The following NCKAP5 variants were observed in gnomAD, a reference collection of about 807,000 sequenced individuals.
The protein encoded by NCKAP5 is NCK associated protein 5.
A neutral mutation model predicts 167.0 loss-of-function variants in NCKAP5; 92 were observed. The ratio of observed to expected loss-of-function variants is 0.55; its 90% CI spans 0.47 to 0.66. The LOEUF is 0.66. Ranked by LOEUF, NCKAP5 falls within the 30% of genes least tolerant of loss-of-function variation. NCKAP5 has a pLI of 0.00. For synonymous variants in NCKAP5, 891 were observed against 877.4 expected, an observed-to-expected ratio of 1.02 and a Z score of -0.27; for missense variants, 2,378 against 2,315.0, an observed-to-expected ratio of 1.03 and a Z score of -0.56.
At chr2:133,501,789 G>T (rs1032082119) in intron 3 of NCKAP5, among the ~76,000 whole-genome samples, 7 of 152,186 alleles carry the variant, frequency 4.6e-5, no homozygotes, top group Non-Finnish European at 1.0e-4. Context: ...CATTCTCTTG[G>T]ATGATGGTGA....
intron 3 of NCKAP5, among the ~76,000 whole-genome samples, chr2:133,464,157 T>C (rs1436122199): frequency 1.3e-5 from 2 of 152,186 alleles, no homozygotes; most frequent in Non-Finnish European, 1.5e-5. Flanking sequence ...TCTGGGAATA[T>C]CTCACAGGTT....
intron 19 of NCKAP5, among the ~76,000 whole-genome samples, chr2:132,677,906 C>T (rs148467878): frequency 6.3e-4 from 96 of 152,156 alleles, no homozygotes; most frequent in African/African-American, 2.1e-3. Context: ...ATACTTTCCA[C>T]GCGATATTTA....
intron 8 of NCKAP5, among the ~76,000 whole-genome samples, chr2:132,883,581 C>T (rs1043540244): frequency 6.6e-6 from 1 of 152,178 alleles, no homozygotes; most frequent in Non-Finnish European, 1.5e-5. Context: ...AGACAGCCAC[C>T]TGGGTCTGCT....
chr2:132,976,374 C>T (rs1294654330), intron 7 of NCKAP5, among the ~76,000 whole-genome samples: 1 of 151,912 alleles, frequency 6.6e-6, no homozygotes. Flanking sequence ...ACCAGCTTGG[C>T]CAACATGGTG....
At chr2:133,503,813 T>C (rs1410517167) in intron 3 of NCKAP5, among the ~76,000 whole-genome samples, 1 of 152,236 alleles carries the variant, frequency 6.6e-6, no homozygotes, top group Non-Finnish European at 1.5e-5. Context: ...TTTCTCTGGA[T>C]TAATTGCAGG....
At chr2:132,816,547 G>A (rs1410439737) in intron 11 of NCKAP5, among the ~76,000 whole-genome samples, 2 of 152,248 alleles carry the variant, frequency 1.3e-5, no homozygotes, top group Admixed American at 6.5e-5. Context: ...CTTCCCTGCT[G>A]AGGCGGAACA....
At chr2:133,651,249 T>C in the NCKAP5 span, among the ~76,000 whole-genome samples, 10 of 152,158 alleles carry the variant, frequency 6.6e-5, no homozygotes, top group Non-Finnish European at 7.4e-5. Flanking sequence ...AATCACATAT[T>C]GGAAAAGGGG....
intron 19 of NCKAP5, among the ~76,000 whole-genome samples, chr2:132,683,825 T>C (rs564544870): frequency 1.2e-4 from 18 of 152,262 alleles, no homozygotes; most frequent in African/African-American, 4.1e-4. Context: ...CAGGTGACAA[T>C]AGAAACATCA....
chr2:132,728,793 C>T (rs147998091), intron 18 of NCKAP5, 23 bp downstream of exon 18: 1 of 1,612,688 alleles, frequency 6.2e-7, no homozygotes, highest in South Asian at 1.1e-5. Flanking sequence ...GGATTGCACC[C>T]TTCACCTCCC....
rs1691049352 is a variant in NCKAP5, at chr2:132,731,931, G to A, written c.5249C>T (p.Pro1750Leu). The A allele has an allele frequency of 6.2e-7, 1 of 1,613,968 alleles. No individual in the cohort carries two copies. The highest frequency in any genetic ancestry group is 8.5e-7 in the Non-Finnish European group (1 of 1,179,898). ...CQPDSPEDAEPLLPLQSALSA... is the reference protein window; with the variant it reads ...CQPDSPEDAELLLPLQSALSA... Reference sequence around the variant, plus strand: ...AAGGGCTGACTGGAGAGGCAGGAGAGGCTCAGCGTCCTCTGGGGAGTCTGG... The same window carrying A: ...AAGGGCTGACTGGAGAGGCAGGAGAAGCTCAGCGTCCTCTGGGGAGTCTGG... The change falls in exon 17 of 20, where the codon CCT becomes CTT. Residue 1750 changes from proline (P) to leucine (L), a missense_variant. This residue lies in a region of NCKAP5 where 1,325 missense variants were observed against 1,274.5 expected (regional missense o/e 1.04). Coordinates refer to ENST00000409261, the MANE Select transcript of NCKAP5 (RefSeq NM_207363.3).
chr2:133,011,972 C>G (rs2078175700), intron 6 of NCKAP5, among the ~76,000 whole-genome samples: 1 of 152,110 alleles, frequency 6.6e-6, no homozygotes, highest in Non-Finnish European at 1.5e-5. Context: ...TCTCTCTTTT[C>G]TCTTCTGGAC....
chr2:132,996,616 T>G (rs559913647), intron 6 of NCKAP5, among the ~76,000 whole-genome samples: 69 of 152,380 alleles, frequency 4.5e-4, no homozygotes, highest in Middle Eastern at 6.8e-3. Flanking sequence ...TTCACTTTAA[T>G]GCTCAAATAT....
chr2:133,646,871 T>C, the NCKAP5 span, among the ~76,000 whole-genome samples: 3 of 152,164 alleles, frequency 2.0e-5, no homozygotes, highest in Non-Finnish European at 2.9e-5. Context: ...TACAGACTTT[T>C]TGTATGCAAT....
chr2:132,787,827 T>G (rs557692853), intron 13 of NCKAP5, among the ~76,000 whole-genome samples: 10 of 152,184 alleles, frequency 6.6e-5, no homozygotes, highest in Non-Finnish European at 1.5e-4. Context: ...ATGATCCTGA[T>G]AGTCATGTTG....
At chr2:133,090,708 AG>A (rs2081148172) in intron 6 of NCKAP5, among the ~76,000 whole-genome samples, 1 of 152,074 alleles carries the variant, frequency 6.6e-6, no homozygotes. Flanking sequence ...CCAGGGTAGA[AG>A]AAAGGTTAAT....
chr2:132,945,859 G>A (rs1697679470), intron 8 of NCKAP5, among the ~76,000 whole-genome samples: 1 of 152,172 alleles, frequency 6.6e-6, no homozygotes, highest in African/African-American at 2.4e-5. Flanking sequence ...AGGGCTGAAG[G>A]ATTCAAACTC....
At chr2:132,840,459 T>C (rs1219937438) in intron 11 of NCKAP5, among the ~76,000 whole-genome samples, 1 of 152,060 alleles carries the variant, frequency 6.6e-6, no homozygotes, top group Non-Finnish European at 1.5e-5. Flanking sequence ...GTATTTTTAG[T>C]AGAAATGGGA....
chr2:133,160,469 A>T (rs1295090568), intron 5 of NCKAP5, among the ~76,000 whole-genome samples: 12 of 91,408 alleles, frequency 1.3e-4, no homozygotes, highest in Admixed American at 9.5e-4. Flanking sequence ...CGTTTATTTG[A>T]TCAAAGAACA....
chr2:133,071,370 G>A (rs917150457), intron 6 of NCKAP5, among the ~76,000 whole-genome samples: 19 of 152,014 alleles, frequency 1.2e-4, no homozygotes, highest in South Asian at 4.2e-4. Context: ...GTGTGAACCC[G>A]GGAGGCGGAG....
Sources: allele counts gnomAD v4.1 joint callset (sites outside exome capture counted in the v4.1 genomes callset), GRCh38; gene constraint gnomAD v4.1.1; regional missense constraint gnomAD v4.1.1; transcripts MANE v1.5; gene names NCBI Gene and HGNC (gene_info 2026-07-23, HGNC 2026-07-21).